Variants in MVK observed in about 807,000 individuals in gnomAD.
MVK encodes the protein LH receptor mRNA-binding protein.
A neutral mutation model predicts 43.2 loss-of-function variants in MVK; 34 were observed. The observed-to-expected ratio is 0.79, with a 90% CI of 0.60 to 1.05. The LOEUF (loss-of-function observed/expected upper bound fraction) is 1.05, where lower values mean the gene tolerates loss of function less well. Ranked by LOEUF, MVK falls within the 50% of genes least tolerant of loss-of-function variation. The pLI, the probability that MVK is intolerant of heterozygous loss-of-function variation, is 0.00. For synonymous variants in MVK, 190 were observed against 219.8 expected (o/e 0.86, Z 1.20); for missense variants, 395 against 504.0 (o/e 0.78, Z 2.07).
chr12:109,590,240 C>T (rs2136243789), intron 7 of MVK: 2 of 206,260 alleles, frequency 9.7e-6, no homozygotes, highest in East Asian at 1.1e-4. Context: ...ACTCCAGCTT[C>T]GTGGGGGTGA....
intron 3 of MVK, among the ~76,000 whole-genome samples, chr12:109,578,625 CTT>C (rs1172583883): frequency 1.3e-5 from 2 of 152,230 alleles, no homozygotes; most frequent in Non-Finnish European, 2.9e-5. Flanking sequence ...AGTCCAGGCT[CTT>C]AACAGCTGTT....
At chr12:109,584,382 C>T (rs529806775) in intron 5 of MVK, among the ~76,000 whole-genome samples, 1 of 152,276 alleles carries the variant, frequency 6.6e-6, no homozygotes, top group South Asian at 2.1e-4. Context: ...TGAACCAGGC[C>T]CCCAGGCGCT....
rs1885981389 is a variant in MVK, at chr12:109,597,757, T to G, written c.*1180T>G. Reference sequence around the variant, plus strand: ...CAGGAAACCCTTGTAGTTGGTGCCTTGCCAGCCAGAACCTCTGGGACCCAC... The same window carrying G: ...CAGGAAACCCTTGTAGTTGGTGCCTGGCCAGCCAGAACCTCTGGGACCCAC... On this transcript the variant is annotated 3_prime_UTR_variant, in exon 11 of 11. Transcript: ENST00000228510. 6.6e-6 allele frequency: 1 copy of G among 152,228 alleles called. No individual in the cohort carries two copies. The highest frequency in any genetic ancestry group is 1.5e-5 in the Non-Finnish European group (1 of 68,066). 9.4% of individuals were successfully genotyped at this position (152,228 alleles called of 1,614,324 possible).
In MVK at chr12:109,596,810, C is replaced by A; in HGVS notation, c.*233C>A. The A allele has an allele frequency of 1.6e-6, 1 of 619,626 alleles. No individual in the cohort carries two copies. Among genetic ancestry groups the A allele is most frequent in the Non-Finnish European group, 2.8e-6 (1 of 356,254 alleles). 38.4% of individuals were successfully genotyped at this position (619,626 alleles called of 1,614,324 possible). ...GCCGAGCAGGAGGCCTAGGAGGGTC[C>A]TCTGAGACTCCAGACCTGAGGCGAG... is the stretch of plus-strand genomic sequence containing the variant. On this transcript the variant is annotated 3_prime_UTR_variant, in exon 11 of 11. Transcript: ENST00000228510.
At position 109,598,011 on chromosome 12, in the gene MVK, GCCTAC is replaced by G. The variant is rs1157962316; in HGVS notation, c.*1437_*1441del. On this transcript the variant is annotated 3_prime_UTR_variant, in exon 11 of 11. Transcript: ENST00000228510. ...GGGAACGTGAGAGTGAAGGGAGGAC[GCCTAC>G]CCCAGCTTAACTTGTAGAAATGGCC... 1 of 152,254 alleles carries G rather than the reference GCCTAC, an allele frequency of 6.6e-6. No homozygotes were observed. The highest frequency in any genetic ancestry group is 1.9e-4 in the East Asian group (1 of 5,206). 9.4% of individuals were successfully genotyped at this position (152,254 alleles called of 1,614,324 possible). A position where few individuals can be genotyped will look rare whatever the true frequency, so the allele number is the denominator to read the frequency against.
chr12:109,584,313 GAAGA>G (rs994575923), intron 5 of MVK, among the ~76,000 whole-genome samples: 2 of 152,180 alleles, frequency 1.3e-5, no homozygotes, highest in African/African-American at 4.8e-5. Context: ...TTTGGCAGAT[GAAGA>G]AAGAGACTCA....
chr12:109,591,018 C>A (rs867636785), intron 8 of MVK, among the ~76,000 whole-genome samples, 157 bp downstream of exon 8: 4 of 152,132 alleles, frequency 2.6e-5, no homozygotes, highest in Admixed American at 6.5e-5. Context: ...AGGTACCGTC[C>A]GTGCCCGTAG....
At chr12:109,580,048 G>A in intron 4 of MVK, 102 bp downstream of exon 4, 1 of 1,543,082 alleles carries the variant, frequency 6.5e-7, no homozygotes, top group Non-Finnish European at 8.9e-7. Context: ...CTCTCTTCTA[G>A]AGCAGCAGCC....
chr12:109,574,389 GT>G lies in MVK; in HGVS notation c.-14-418del, dbSNP rs539774962. 5.9e-5 allele frequency among the ~76,000 whole-genome samples: 9 copies of G among 152,310 alleles called. No homozygotes were observed. In the East Asian group the frequency reaches 1.7e-3, roughly 29 times the overall value. Reference sequence around the variant, plus strand: ...GTAATTTCTACCTTTAATAGTAGTAGTTGTAAAAGCTGAAACGAAGAACAGA... The same window carrying G: ...GTAATTTCTACCTTTAATAGTAGTAGTGTAAAAGCTGAAACGAAGAACAGA... On this transcript the variant is annotated intron_variant, in intron 1 of 10. Transcript: ENST00000228510.
In MVK at chr12:109,595,454, CGGG is replaced by C. The variant is rs1885880230; in HGVS notation, c.1039+275_1039+277del. On this transcript the variant is annotated intron_variant, in intron 10 of 10. Transcript: ENST00000228510. The surrounding 1 kb of genome is among the most constrained non-coding windows in gnomAD (Gnocchi z 5.9). ...GGGCTGTGGCTGGGGCTCCTGTCAT[CGGG>C]GCTGTCCGCACAAGCTTGGGAAGTA... is the stretch of plus-strand genomic sequence containing the variant. Among the ~76,000 whole-genome samples, 2 of 152,224 alleles carry C rather than the reference CGGG, an allele frequency of 1.3e-5. No individual in the cohort carries two copies. Among genetic ancestry groups the C allele is most frequent in the East Asian group, 3.9e-4 (2 of 5,166 alleles).
Position 109,596,457 on chromosome 12 carries a change from G to C in MVK, c.1071G>C (p.Lys357Asn), listed in dbSNP as rs1323304369. The C allele has an allele frequency of 6.2e-7, 1 of 1,613,626 alleles. No individual in the cohort carries two copies. The highest frequency in any genetic ancestry group is 8.5e-7 in the Non-Finnish European group (1 of 1,179,948). ...GLEQPEVEATKQALTSCGFDC... is the reference protein window; with the variant it reads ...GLEQPEVEATNQALTSCGFDC... ...AGCAGCCAGAAGTGGAGGCCACGAA[G>C]CAGGCCCTGACCAGCTGTGGCTTTG... Residue 357 changes from lysine to asparagine, a missense_variant, in exon 11 of 11, where the codon AAG (lysine) becomes AAC (asparagine). Physicochemically the swap from Lys to Asn is moderately conservative, Grantham distance 94. Coordinates refer to ENST00000228510, the MANE Select transcript of MVK (RefSeq NM_000431.4).
intron 7 of MVK, 174 bp downstream of exon 7, chr12:109,586,973 T>C (rs2136238476): frequency 1.4e-6 from 1 of 696,578 alleles, no homozygotes; most frequent in South Asian, 1.6e-5. Flanking sequence ...GGGGAAGACC[T>C]GCTCTCTCCT....
rs104895370 is a variant in MVK at position 109,579,911 on chromosome 12, TCTTTA to T, written c.340_344del (p.Tyr114IlefsTer71). 6.2e-6 allele frequency: 10 copies of T among 1,614,232 alleles called. No individual in the cohort carries two copies. Among genetic ancestry groups the T allele is most frequent in the Non-Finnish European group, 8.5e-6 (10 of 1,180,036 alleles). On this transcript the variant is annotated frameshift_variant, in exon 4 of 11. Coordinates refer to ENST00000228510, the MANE Select transcript of MVK (RefSeq NM_000431.4). LOFTEE classifies it high-confidence loss of function. ...CCGAGCGCCTGGCTGTGCTGGCCTT[TCTTTA>T]CTTATACCTGTCCATCTGCCGGAAG...
At chr12:109,573,657 G>A, upstream of MVK, 2 of 775,266 alleles carry the variant, frequency 2.6e-6, no homozygotes, top group Non-Finnish European at 4.3e-6. Flanking sequence ...CGGAAGGAGC[G>A]GGGCGGGAAA....
intron 5 of MVK, 28 bp from the exon 6 acceptor site, chr12:109,585,994 C>T (rs1885415560): frequency 6.3e-7 from 1 of 1,593,844 alleles, no homozygotes; most frequent in Admixed American, 1.7e-5. Flanking sequence ...CTCACTGCCA[C>T]AGTAAAGATG....
At chr12:109,573,903 G>T (rs577805365) in intron 1 of MVK, 30 bp downstream of exon 1, 1 of 192,608 alleles carries the variant, frequency 5.2e-6, no homozygotes, top group East Asian at 1.7e-4. Context: ...CGGCCGGGCG[G>T]CGCGAGGTCC....
intron 2 of MVK, among the ~76,000 whole-genome samples, chr12:109,575,695 G>C (rs1236890947): frequency 6.6e-6 from 1 of 152,128 alleles, no homozygotes; most frequent in Admixed American, 6.5e-5. Flanking sequence ...GCTTCTCACT[G>C]CTATTCTTTA....
chr12:109,576,201 G>T, intron 3 of MVK, 56 bp downstream of exon 3: 1 of 1,609,994 alleles, frequency 6.2e-7, no homozygotes, highest in Non-Finnish European at 8.5e-7. Context: ...AGGGCAGCTG[G>T]CCAGGTATTC....
intron 10 of MVK, among the ~76,000 whole-genome samples, 161 bp from the exon 11 acceptor site, chr12:109,596,265 C>T (rs997413955): frequency 1.3e-5 from 2 of 152,346 alleles, no homozygotes; most frequent in East Asian, 3.9e-4. Context: ...TTCCAGTGCA[C>T]GGAGGGGCTG....
Sources: gnomAD v4.1 joint callset for allele counts (sites outside exome capture counted in the v4.1 genomes callset) on GRCh38, gnomAD v4.1.1 for gene constraint, Gnocchi (gnomAD v3.1) non-coding constraint, MANE v1.5 for transcripts, NCBI Gene and HGNC (gene_info 2026-07-23, HGNC 2026-07-21) for gene names.